Variants in MARCHF3 observed in about 807,000 individuals in gnomAD.
MARCHF3 encodes the protein membrane associated ring-CH-type finger 3.
A neutral mutation model predicts 24.2 loss-of-function variants in MARCHF3; 13 were observed. That is an observed-to-expected ratio of 0.54 (90% confidence interval 0.35 to 0.85). The LOEUF (loss-of-function observed/expected upper bound fraction) is 0.85. Ranked by LOEUF, MARCHF3 falls within the 40% of genes least tolerant of loss-of-function variation. MARCHF3 has a pLI of 0.01. For synonymous variants in MARCHF3, 144 were observed against 137.3 expected (o/e 1.05, Z -0.34); for missense variants, 276 against 325.0 (o/e 0.85, Z 1.16).
chr5:126,899,013 T>A (rs72505648), intron 3 of MARCHF3: 30,293 of 985,080 alleles, frequency 0.031, 2,359 homozygotes, highest in African/African-American at 0.26. Context: ...CTTTCGTGTT[T>A]TACAAGCACC....
intron 1 of MARCHF3, among the ~76,000 whole-genome samples, chr5:126,974,936 G>T (rs1483944854): frequency 6.6e-6 from 1 of 152,082 alleles, no homozygotes; most frequent in Non-Finnish European, 1.5e-5. Flanking sequence ...TATTTAAAGT[G>T]GGATATAACA....
At chr5:127,000,154 T>C (rs983198820) in intron 1 of MARCHF3, among the ~76,000 whole-genome samples, 4 of 152,018 alleles carry the variant, frequency 2.6e-5, no homozygotes, top group Admixed American at 6.6e-5. Flanking sequence ...CAACCTTCGT[T>C]TGCTATCTCT....
At chr5:126,915,750 C>G (rs958857016) in intron 2 of MARCHF3, among the ~76,000 whole-genome samples, 1 of 152,144 alleles carries the variant, frequency 6.6e-6, no homozygotes, top group Non-Finnish European at 1.5e-5. Context: ...ATGAGTATGT[C>G]CCACTGAGGT....
chr5:126,989,283 ATACTACTACTACTACTACTACTAG>A (rs1751664910), intron 1 of MARCHF3, among the ~76,000 whole-genome samples: 4 of 150,192 alleles, frequency 2.7e-5, no homozygotes, highest in Admixed American at 6.6e-5. Context: ...TGTCTCTAGA[ATACTACTACTACTACTACTACTAG>A]TACTACTACT....
chr5:127,015,600 T>C (rs1752614104), intron 1 of MARCHF3, among the ~76,000 whole-genome samples: 1 of 152,180 alleles, frequency 6.6e-6, no homozygotes, highest in South Asian at 2.1e-4. Flanking sequence ...AGCATTCTGC[T>C]TCATTTCTGT....
intron 1 of MARCHF3, among the ~76,000 whole-genome samples, chr5:126,995,543 A>G (rs1386886621): frequency 6.6e-6 from 1 of 152,244 alleles, no homozygotes; most frequent in Non-Finnish European, 1.5e-5. Flanking sequence ...CATAATACAG[A>G]AAAAAGAGAC....
chr5:126,867,714 T>G lies in MARCHF3; in HGVS notation c.*2919A>C, dbSNP rs1380568024. The G allele has an allele frequency of 6.6e-6, 1 of 152,262 alleles. No homozygotes were observed. The highest frequency in any genetic ancestry group is 2.4e-5 in the African/African-American group (1 of 41,456). The allele number at this position is 152,262 out of a possible 1,614,324, so 9.4% of individuals were successfully genotyped here. A position where few individuals can be genotyped will look rare whatever the true frequency, so the allele number is the denominator to read the frequency against. ...TAGGACAATGAAAGACAAATCAAAG[T>G]AACTTCCAAATCATGCCATTTATTT... On this transcript the variant is annotated 3_prime_UTR_variant, in exon 5 of 5. Transcript: ENST00000308660.
intron 1 of MARCHF3, among the ~76,000 whole-genome samples, chr5:126,932,248 T>C (rs993340937): frequency 6.6e-6 from 1 of 152,230 alleles, no homozygotes; most frequent in Non-Finnish European, 1.5e-5. Context: ...TGGCTGTGAG[T>C]ACTGGCTTTT....
intron 3 of MARCHF3, among the ~76,000 whole-genome samples, chr5:126,901,258 C>T (rs2126783031): frequency 6.6e-6 from 1 of 152,184 alleles, no homozygotes; most frequent in Non-Finnish European, 1.5e-5. Context: ...AACTAGATTG[C>T]AAAGAATATT....
intron 1 of MARCHF3, among the ~76,000 whole-genome samples, chr5:126,984,129 G>A (rs1318082408): frequency 6.6e-6 from 1 of 152,130 alleles, no homozygotes; most frequent in African/African-American, 2.4e-5. Context: ...CCAAGGGCAT[G>A]GGGGTGCTAC....
chr5:126,909,397 T>C (rs1165995311), intron 3 of MARCHF3, among the ~76,000 whole-genome samples: 1 of 152,228 alleles, frequency 6.6e-6, no homozygotes, highest in Non-Finnish European at 1.5e-5. Context: ...GCCTGGGCAA[T>C]GGCGGGCGCC....
At chr5:126,925,620 C>T (rs932789484) in intron 1 of MARCHF3, among the ~76,000 whole-genome samples, 11 of 152,148 alleles carry the variant, frequency 7.2e-5, no homozygotes, top group Non-Finnish European at 1.2e-4. Flanking sequence ...GCTATGTGTT[C>T]AAAGACACAG....
intron 1 of MARCHF3, among the ~76,000 whole-genome samples, chr5:126,966,605 T>C (rs891812611): frequency 6.6e-6 from 1 of 152,142 alleles, no homozygotes; most frequent in Non-Finnish European, 1.5e-5. Flanking sequence ...GAATCAGATT[T>C]CCTAGATATT....
chr5:126,986,053 T>G (rs1378316072), intron 1 of MARCHF3, among the ~76,000 whole-genome samples: 2 of 152,242 alleles, frequency 1.3e-5, no homozygotes, highest in Non-Finnish European at 2.9e-5. Context: ...TACTGGGATT[T>G]ATGGAAATAT....
intron 1 of MARCHF3, among the ~76,000 whole-genome samples, chr5:126,988,223 G>A (rs1309330803): frequency 6.6e-6 from 1 of 152,046 alleles, no homozygotes; most frequent in Admixed American, 6.5e-5. Flanking sequence ...ATCTGAAAGT[G>A]AAACTTCCAG....
chr5:126,891,946 G>T (rs1029882529), intron 3 of MARCHF3, among the ~76,000 whole-genome samples: 1 of 147,788 alleles, frequency 6.8e-6, no homozygotes, highest in Non-Finnish European at 1.5e-5. Context: ...CCATTTGTTT[G>T]TATCCTCTTT....
intron 1 of MARCHF3, among the ~76,000 whole-genome samples, chr5:126,925,447 C>A (rs188690305): frequency 1.3e-5 from 2 of 152,166 alleles, no homozygotes; most frequent in Admixed American, 1.3e-4. Flanking sequence ...CAGGTAAAAT[C>A]CTCTAGTTCT....
At chr5:126,895,078 G>A (rs369283527) in intron 3 of MARCHF3, among the ~76,000 whole-genome samples, 3,091 of 151,844 alleles carry the variant, frequency 0.02, 78 homozygotes, top group South Asian at 0.11. Flanking sequence ...CATTGCTGAT[G>A]CCCTTTCTTC....
intron 1 of MARCHF3, among the ~76,000 whole-genome samples, chr5:126,987,670 A>G (rs991166198): frequency 6.6e-6 from 1 of 152,208 alleles, no homozygotes; most frequent in African/African-American, 2.4e-5. Flanking sequence ...AACTTCAGGA[A>G]AGTCAGAGGG....
Sources: allele counts gnomAD v4.1 joint callset (sites outside exome capture counted in the v4.1 genomes callset), GRCh38; gene constraint gnomAD v4.1.1; transcripts MANE v1.5; gene names NCBI Gene and HGNC (gene_info 2026-07-23, HGNC 2026-07-21).